Variants in ALK observed in about 807,000 individuals in gnomAD.
The protein encoded by ALK is ALK tyrosine kinase receptor.
ALK carries 74 observed loss-of-function variants against 163.1 expected under a neutral mutation model. The observed-to-expected ratio is 0.45, with a 90% CI of 0.38 to 0.55. The LOEUF is 0.55. Among genes scored for constraint, ALK ranks in the 20% least tolerant of loss-of-function variants. The probability of loss-of-function intolerance (pLI) is 0.00; values close to 1 mark genes in which losing one functional copy is unlikely to be tolerated. For synonymous variants in ALK, 960 were observed against 843.2 expected (o/e 1.14, Z -2.40); for missense variants, 2,063 against 2,105.3 (o/e 0.98, Z 0.39).
intron 3 of ALK, among the ~76,000 whole-genome samples, chr2:29,560,712 C>G (rs1673997264): frequency 1.3e-5 from 2 of 152,052 alleles, no homozygotes; most frequent in African/African-American, 4.8e-5. Context: ...GCTGGGACTA[C>G]AGGTGTACAC....
rs192959032 is a variant in ALK, at chr2:29,653,814, C to G, written c.952+41036G>C. 3.9e-5 allele frequency among the ~76,000 whole-genome samples: 6 copies of G among 152,214 alleles called. No homozygotes were observed. In the South Asian group the frequency reaches 6.2e-4, roughly 16 times the overall value. ...CAGTGGCTCATACCTGCAATTCCAG[C>G]ACTTTGGGAGGCCAAGGCAGGAGGA... On this transcript the variant is annotated intron_variant, in intron 3 of 28. Transcript: ENST00000389048.
At chr2:29,419,704 G>A (rs998104070) in intron 4 of ALK, among the ~76,000 whole-genome samples, 8 of 151,656 alleles carry the variant, frequency 5.3e-5, no homozygotes, top group Middle Eastern at 3.4e-3. Context: ...CATCGGGAAA[G>A]TTATATAAAC....
intron 5 of ALK, among the ~76,000 whole-genome samples, chr2:29,335,265 G>A (rs1018850531): frequency 2.6e-5 from 4 of 152,108 alleles, no homozygotes; most frequent in Non-Finnish European, 4.4e-5. Flanking sequence ...TCCTTTCTAC[G>A]GGAATTTACA....
chr2:29,514,136 C>T (rs1157782354), intron 4 of ALK, among the ~76,000 whole-genome samples: 1 of 137,318 alleles, frequency 7.3e-6, no homozygotes, highest in Non-Finnish European at 1.6e-5. Context: ...TTGACCCAGC[C>T]ATCCCATTAC....
chr2:29,213,241 A>T (rs186298441), intron 24 of ALK, among the ~76,000 whole-genome samples: 2 of 152,366 alleles, frequency 1.3e-5, no homozygotes, highest in East Asian at 3.9e-4. Flanking sequence ...ACAAGGAAAG[A>T]CATACATGAT....
chr2:29,626,122 A>G (rs1167569388), intron 3 of ALK, among the ~76,000 whole-genome samples: 2 of 152,316 alleles, frequency 1.3e-5, no homozygotes, highest in East Asian at 1.9e-4. Flanking sequence ...GTGTCCCTCA[A>G]ATTCAAAGAC....
At chr2:29,491,975 A>G (rs1428171269) in intron 4 of ALK, among the ~76,000 whole-genome samples, 2 of 152,260 alleles carry the variant, frequency 1.3e-5, no homozygotes, top group East Asian at 1.9e-4. Context: ...ATTCATTTAC[A>G]TAACAGCAAT....
intron 5 of ALK, among the ~76,000 whole-genome samples, chr2:29,360,450 T>G (rs78656426): frequency 0.1 from 15,584 of 152,246 alleles, 856 homozygotes; most frequent in African/African-American, 0.12. Context: ...AGTGCAGAGA[T>G]AGCACATTGC....
At chr2:29,818,286 T>G (rs558618687) in intron 1 of ALK, among the ~76,000 whole-genome samples, 25 of 152,242 alleles carry the variant, frequency 1.6e-4, no homozygotes, top group Non-Finnish European at 3.4e-4. Flanking sequence ...TTGAAGCAAT[T>G]TGGTCATTAT....
intron 26 of ALK, among the ~76,000 whole-genome samples, chr2:29,199,909 T>A (rs1015332749): frequency 3.9e-5 from 6 of 152,214 alleles, no homozygotes; most frequent in Non-Finnish European, 7.4e-5. Flanking sequence ...CTTCATCTTC[T>A]AAGAAACATG....
In ALK at chr2:29,590,915, CA is replaced by C. The variant is rs570844025; in HGVS notation, c.953-58800del. 4.1e-4 allele frequency among the ~76,000 whole-genome samples: 62 copies of C among 151,314 alleles called. No homozygotes were observed. The South Asian group carries it at 8.8e-3, about 22-fold the overall frequency. ...TGAAACCCCGTTTCTACTAAAAATACAAAAAATTAGCCGGGCGTGTTGGCGG... is the reference window on the plus strand; with the variant it reads ...TGAAACCCCGTTTCTACTAAAAATACAAAAATTAGCCGGGCGTGTTGGCGG... On this transcript the variant is annotated intron_variant, in intron 3 of 28. Coordinates refer to ENST00000389048, the MANE Select transcript of ALK (RefSeq NM_004304.5).
At chr2:29,206,926 C>T (rs947973802) in intron 26 of ALK, among the ~76,000 whole-genome samples, 2 of 152,228 alleles carry the variant, frequency 1.3e-5, no homozygotes, top group African/African-American at 4.8e-5. Flanking sequence ...TGCAAATTCT[C>T]AGCTAGATCC....
At chr2:29,574,085 C>T (rs5003770) in intron 3 of ALK, among the ~76,000 whole-genome samples, 53,762 of 151,796 alleles carry the variant, frequency 0.35, 10,782 homozygotes, top group East Asian at 0.62. Context: ...AATGTCCTTG[C>T]AGCATTTACT....
intron 2 of ALK, among the ~76,000 whole-genome samples, chr2:29,710,517 T>C (rs1042510044): frequency 6.6e-6 from 1 of 151,652 alleles, no homozygotes; most frequent in East Asian, 1.9e-4. Flanking sequence ...TGTGTGTGTG[T>C]GTGTGTGTGT....
chr2:29,198,247 A>C (rs1182583403), intron 26 of ALK, among the ~76,000 whole-genome samples: 3 of 152,210 alleles, frequency 2.0e-5, no homozygotes, highest in Non-Finnish European at 2.9e-5. Context: ...AGTTTCATCT[A>C]TCAGATGCCC....
chr2:29,743,138 A>T (rs1225992944), intron 1 of ALK, among the ~76,000 whole-genome samples: 2 of 152,196 alleles, frequency 1.3e-5, no homozygotes, highest in Non-Finnish European at 2.9e-5. Flanking sequence ...TCCCCTATCC[A>T]TGGGTAGGAG....
chr2:29,546,123 A>G (rs1673546700), intron 3 of ALK, among the ~76,000 whole-genome samples: 1 of 152,192 alleles, frequency 6.6e-6, no homozygotes, highest in Non-Finnish European at 1.5e-5. Flanking sequence ...TGTGTGGAGG[A>G]GTACGTTTTT....
At position 29,680,135 on chromosome 2, in the gene ALK, T is replaced by G. The variant is rs191744438; in HGVS notation, c.952+14715A>C. 1.8e-4 allele frequency among the ~76,000 whole-genome samples: 27 copies of G among 152,120 alleles called. 1 individual carries two copies. The East Asian group carries it at 4.1e-3, about 23-fold the overall frequency. On this transcript the variant is annotated intron_variant, in intron 3 of 28. Coordinates refer to ENST00000389048, the MANE Select transcript of ALK (RefSeq NM_004304.5). ...AGATCTTTGGTGGCATTTAACAATA[T>G]GATGATGATATGTCTAGATGTAGAT...
intron 12 of ALK, among the ~76,000 whole-genome samples, chr2:29,243,249 T>A (rs948244946): frequency 6.6e-6 from 1 of 152,214 alleles, no homozygotes; most frequent in African/African-American, 2.4e-5. Context: ...AAGCACCTCC[T>A]TAAATTTTCT....
Sources: allele counts gnomAD v4.1 joint callset (sites outside exome capture counted in the v4.1 genomes callset), GRCh38; gene constraint gnomAD v4.1.1; transcripts MANE v1.5; gene names NCBI Gene and HGNC (gene_info 2026-07-23, HGNC 2026-07-21).